IARS2: variants seen among roughly 807,000 people sequenced by gnomAD.
IARS2 encodes the protein isoleucine--tRNA ligase, mitochondrial.
Under a neutral mutation model 126.3 loss-of-function variants are expected in IARS2, and 56 were observed. The ratio of observed to expected loss-of-function variants is 0.44; its 90% CI spans 0.36 to 0.55. The LOEUF (loss-of-function observed/expected upper bound fraction) is 0.55. Among genes scored for constraint, IARS2 ranks in the 20% least tolerant of loss-of-function variants. The pLI is 0.00. For synonymous variants in IARS2, 407 were observed against 441.1 expected (o/e 0.92, Z 0.97); for missense variants, 1,127 against 1,245.9 (o/e 0.90, Z 1.44).
intron 11 of IARS2, among the ~76,000 whole-genome samples, chr1:220,111,816 T>C (rs1656809649): frequency 6.6e-6 from 1 of 152,130 alleles, no homozygotes; most frequent in Non-Finnish European, 1.5e-5. Flanking sequence ...TCTATACTTG[T>C]GTAATGTGGA....
At chr1:220,129,380 T>A (rs1287126547) in intron 14 of IARS2, among the ~76,000 whole-genome samples, 1 of 137,048 alleles carries the variant, frequency 7.3e-6, no homozygotes, top group Non-Finnish European at 1.6e-5. Context: ...TTTTATATCT[T>A]CTCTTCTAGT....
intron 19 of IARS2, among the ~76,000 whole-genome samples, chr1:220,140,685 T>C (rs1224452398): frequency 6.7e-6 from 1 of 148,646 alleles, no homozygotes; most frequent in Non-Finnish European, 1.5e-5. Flanking sequence ...GTTGTGCAGT[T>C]ATTAAGATTG....
rs766615120 is a variant in IARS2 at position 220,094,280 on chromosome 1, T to A, written c.64T>A (p.Trp22Arg). 1 of 1,609,738 alleles carries A rather than the reference T, an allele frequency of 6.2e-7. No homozygotes were observed. The highest frequency in any genetic ancestry group is 8.5e-7 in the Non-Finnish European group (1 of 1,178,382). Residue 22 changes from tryptophan (W) to arginine (R), a missense_variant, in exon 1 of 23, where the codon TGG becomes AGG. By Grantham distance (101) the Trp-to-Arg change is moderately radical. Coordinates refer to ENST00000366922, the MANE Select transcript of IARS2 (RefSeq NM_018060.4). Reference protein sequence around the residue: ...AAALATARSLWGTPRLPCSPG... With the variant: ...AAALATARSLRGTPRLPCSPG... ...CGCCCTGGCCACTGCCCGAAGTTTG[T>A]GGGGGACGCCCCGCCTTCCCTGCAG... is the stretch of plus-strand genomic sequence containing the variant.
intron 2 of IARS2, among the ~76,000 whole-genome samples, chr1:220,098,894 T>C (rs1437751228): frequency 6.6e-6 from 1 of 152,128 alleles, no homozygotes; most frequent in Non-Finnish European, 1.5e-5. Flanking sequence ...TTCATATGAC[T>C]GAAAGCAACA....
intron 3 of IARS2, among the ~76,000 whole-genome samples, chr1:220,101,793 G>T (rs1656578908): frequency 6.6e-6 from 1 of 152,154 alleles, no homozygotes; most frequent in African/African-American, 2.4e-5. Flanking sequence ...GAGGTCAGGA[G>T]ATCCAGACCA....
chr1:220,139,898 C>G (rs1209281779), intron 18 of IARS2, among the ~76,000 whole-genome samples: 1 of 152,178 alleles, frequency 6.6e-6, no homozygotes, highest in Non-Finnish European at 1.5e-5. Flanking sequence ...GTGACGTCCA[C>G]TGTTTGCTGT....
rs1237015796 is a variant in IARS2, at chr1:220,145,512, C to A, written c.2755C>A (p.Leu919Met). 3 of 1,604,136 alleles carry A rather than the reference C, an allele frequency of 1.9e-6. No individual in the cohort carries two copies. ...PGLLFEIIEM[L>M]QSEETSSTSQ... ...ACTTTCACATGCTTCCTTCCAGATG[C>A]TGCAGTCTGAAGAGACTTCCAGCAC... The change falls in exon 22 of 23, where the codon CTG becomes ATG. Residue 919 changes from leucine (L) to methionine (M), a missense_variant. By Grantham distance (15) the Leu-to-Met change is conservative. Transcript: ENST00000366922.
At position 220,147,820 on chromosome 1, in the gene IARS2, T is replaced by A. The variant is rs1657637985; in HGVS notation, c.*185T>A. Reference sequence around the variant, plus strand: ...TCCTGTAACTATAGAAAGAATTATGTATATATACATGCAGAAATATATATG... The same window carrying A: ...TCCTGTAACTATAGAAAGAATTATGAATATATACATGCAGAAATATATATG... On this transcript the variant is annotated 3_prime_UTR_variant, in exon 23 of 23. Transcript: ENST00000366922. 1.7e-6 allele frequency: 1 copy of A among 593,956 alleles called. No homozygotes were observed. Among genetic ancestry groups the A allele is most frequent in the South Asian group, 2.3e-5 (1 of 43,400 alleles). 36.8% of individuals were successfully genotyped at this position (593,956 alleles called of 1,614,324 possible).
At chr1:220,137,402 C>G (rs1657398391) in intron 16 of IARS2, among the ~76,000 whole-genome samples, 1 of 152,180 alleles carries the variant, frequency 6.6e-6, no homozygotes, top group Non-Finnish European at 1.5e-5. Context: ...AAATGTACAT[C>G]AAATCTGAGG....
chr1:220,136,705 A>G, intron 15 of IARS2, 104 bp from the exon 16 acceptor site: 5 of 525,916 alleles, frequency 9.5e-6, no homozygotes, highest in Non-Finnish European at 1.7e-5. Flanking sequence ...AAGAAAAATC[A>G]TATTTTTGTG....
intron 12 of IARS2, among the ~76,000 whole-genome samples, chr1:220,116,324 T>C (rs569720862): frequency 6.6e-6 from 1 of 152,114 alleles, no homozygotes; most frequent in Non-Finnish European, 1.5e-5. Flanking sequence ...AATGAGATAA[T>C]AGTCTAGCTA....
In IARS2 at chr1:220,098,264, C is replaced by G. The variant is rs145125726; in HGVS notation, c.390+2038C>G. Among the ~76,000 whole-genome samples, 7 of 152,320 alleles carry G rather than the reference C, an allele frequency of 4.6e-5. No individual in the cohort carries two copies. The East Asian group carries it at 1.4e-3, about 29-fold the overall frequency. On this transcript the variant is annotated intron_variant, in intron 2 of 22. Transcript: ENST00000366922. ...AAGCCCTTAGCAAAGAGCATGGGCACTTTGGAACTAGGGAAGGACCAATTC... is the reference window on the plus strand; with the variant it reads ...AAGCCCTTAGCAAAGAGCATGGGCAGTTTGGAACTAGGGAAGGACCAATTC...
intron 2 of IARS2, among the ~76,000 whole-genome samples, chr1:220,097,779 T>A (rs1403075712): frequency 6.6e-6 from 1 of 152,206 alleles, no homozygotes. Context: ...ATGGCTACAG[T>A]GGATCACGTG....
chr1:220,110,987 A>G lies in IARS2; in HGVS notation c.1479+50A>G, dbSNP rs139259692. The G allele has an allele frequency of 9.5e-5, 147 of 1,551,400 alleles. No homozygotes were observed. The African/African-American group carries it at 1.8e-3, about 19-fold the overall frequency. On this transcript the variant is annotated intron_variant, in intron 11 of 22. Coordinates refer to ENST00000366922, the MANE Select transcript of IARS2 (RefSeq NM_018060.4). ...AGGTCGGGCATATCATTCCCTCAGT[A>G]TAAAGGGGCTGCATGTGAGGTTGAG...
intron 2 of IARS2, 83 bp from the exon 3 acceptor site, chr1:220,100,407 A>T: frequency 8.5e-7 from 1 of 1,169,966 alleles, no homozygotes; most frequent in Non-Finnish European, 1.2e-6. Flanking sequence ...ATGAATGCTA[A>T]TTATCATTTT....
rs990898946 is a variant in IARS2 at position 220,094,487 on chromosome 1, C to T, written c.267+4C>T. ...CACGGAGCTGGAGATCCAGCAGGTACGGGCCCCGCCTCGGCGCGGGGCCTC... is the reference window on the plus strand; with the variant it reads ...CACGGAGCTGGAGATCCAGCAGGTATGGGCCCCGCCTCGGCGCGGGGCCTC... On this transcript the variant is annotated splice_donor_region_variant and intron_variant, in intron 1 of 22. Transcript: ENST00000366922. The T allele has an allele frequency of 1.8e-5, 29 of 1,587,594 alleles. No homozygotes were observed. In the Middle Eastern group the frequency reaches 9.5e-4, roughly 52 times the overall value.
intron 14 of IARS2, among the ~76,000 whole-genome samples, chr1:220,130,913 T>C (rs1315943878): frequency 6.6e-6 from 1 of 152,204 alleles, no homozygotes; most frequent in African/African-American, 2.4e-5. Flanking sequence ...GGTAGATTTA[T>C]TTCTGGGTTC....
intron 12 of IARS2, among the ~76,000 whole-genome samples, 200 bp downstream of exon 12, chr1:220,114,674 G>C (rs1197720931): frequency 3.3e-5 from 5 of 152,228 alleles, no homozygotes; most frequent in Admixed American, 2.6e-4. Flanking sequence ...CTTAAATATT[G>C]ATACTTAGAA....
Position 220,112,260 on chromosome 1 carries a change from G to T in IARS2, c.1479+1323G>T, listed in dbSNP as rs1441372291. On this transcript the variant is annotated intron_variant, in intron 11 of 22. Coordinates refer to ENST00000366922, the MANE Select transcript of IARS2 (RefSeq NM_018060.4). ...CGCCATTCTCCTGCCTCAGCCTCCCGAGTAGCTGGGACTACAGGCGCCCGC... is the reference window on the plus strand; with the variant it reads ...CGCCATTCTCCTGCCTCAGCCTCCCTAGTAGCTGGGACTACAGGCGCCCGC... Among the ~76,000 whole-genome samples, 4 of 113,744 alleles carry T rather than the reference G, an allele frequency of 3.5e-5. 2 individuals are homozygous for T. The highest frequency in any genetic ancestry group is 7.2e-5 in the Non-Finnish European group (4 of 55,376). 74.6% of individuals were successfully genotyped at this position (113,744 alleles called of 152,430 possible).
Sources: allele counts gnomAD v4.1 joint callset (sites outside exome capture counted in the v4.1 genomes callset), GRCh38; gene constraint gnomAD v4.1.1; transcripts MANE v1.5; gene names NCBI Gene and HGNC (gene_info 2026-07-23, HGNC 2026-07-21).